Variants in CACNA2D3 observed in about 807,000 individuals in gnomAD.
The protein encoded by CACNA2D3 is voltage-dependent calcium channel subunit alpha-2/delta-3.
In CACNA2D3, 60 loss-of-function variants were observed where a neutral mutation model predicts 160.6. The observed-to-expected ratio is 0.37, with a 90% confidence interval of 0.30 to 0.46. The LOEUF (loss-of-function observed/expected upper bound fraction) is 0.46. Ranked by LOEUF, CACNA2D3 falls within the 20% of genes least tolerant of loss-of-function variation. The pLI, the probability that CACNA2D3 is intolerant of heterozygous loss-of-function variation, is 1.00. For synonymous variants in CACNA2D3, 558 were observed against 492.9 expected (o/e 1.13, Z -1.75); for missense variants, 1,205 against 1,365.0 (o/e 0.88, Z 1.85).
At chr3:54,843,188 C>T (rs1698859331) in intron 16 of CACNA2D3, among the ~76,000 whole-genome samples, 1 of 152,096 alleles carries the variant, frequency 6.6e-6, no homozygotes, top group South Asian at 2.1e-4. Flanking sequence ...TCTCGAACTC[C>T]TGACCTCAGG....
Position 54,309,504 on chromosome 3 carries a change from T to G in CACNA2D3, c.205-10938T>G, listed in dbSNP as rs181785434. On this transcript the variant is annotated intron_variant, in intron 2 of 37. Coordinates refer to ENST00000474759, the MANE Select transcript of CACNA2D3 (RefSeq NM_018398.3). Reference sequence around the variant, plus strand: ...CATCTTTTAATTCAGAACCTGACAATCTGGAAGTGGTGGAAATCTGTCAGA... The same window carrying G: ...CATCTTTTAATTCAGAACCTGACAAGCTGGAAGTGGTGGAAATCTGTCAGA... Among the ~76,000 whole-genome samples, 14 of 152,082 alleles carry G rather than the reference T, an allele frequency of 9.2e-5. No individual in the cohort carries two copies. The East Asian group carries it at 2.5e-3, about 27-fold the overall frequency.
At chr3:55,032,320 T>G (rs528233781) in intron 35 of CACNA2D3, among the ~76,000 whole-genome samples, 7 of 152,214 alleles carry the variant, frequency 4.6e-5, no homozygotes, top group Admixed American at 6.5e-5. Flanking sequence ...TGAGTTCATC[T>G]CAAAATCAGG....
At chr3:54,368,223 A>C (rs990763107) in intron 3 of CACNA2D3, among the ~76,000 whole-genome samples, 7 of 152,168 alleles carry the variant, frequency 4.6e-5, no homozygotes, top group African/African-American at 1.7e-4. Flanking sequence ...TAATCTCAGC[A>C]CTTTGGAAGG....
chr3:54,955,141 A>G (rs755047978), intron 27 of CACNA2D3, among the ~76,000 whole-genome samples: 1 of 152,216 alleles, frequency 6.6e-6, no homozygotes, highest in Non-Finnish European at 1.5e-5. Context: ...TGATTATCCA[A>G]TAACCCAGTG....
intron 35 of CACNA2D3, among the ~76,000 whole-genome samples, chr3:55,058,893 TAGA>T (rs1704431510): frequency 6.6e-6 from 1 of 152,106 alleles, no homozygotes; most frequent in African/African-American, 2.4e-5. Context: ...TCAGGATAAG[TAGA>T]AGGATTTAAA....
At chr3:54,805,835 A>G (rs1314009997) in intron 13 of CACNA2D3, among the ~76,000 whole-genome samples, 1 of 152,182 alleles carries the variant, frequency 6.6e-6, no homozygotes, top group Non-Finnish European at 1.5e-5. Flanking sequence ...CCAGCAGCAC[A>G]TCAAAAAGCT....
chr3:54,387,805 T>C (rs1699214928), intron 4 of CACNA2D3, among the ~76,000 whole-genome samples: 1 of 152,246 alleles, frequency 6.6e-6, no homozygotes, highest in Non-Finnish European at 1.5e-5. Context: ...GTTTGAGCTT[T>C]GCTAGACATA....
At chr3:54,370,532 A>G (rs2107548500) in intron 3 of CACNA2D3, among the ~76,000 whole-genome samples, 1 of 152,306 alleles carries the variant, frequency 6.6e-6, no homozygotes, top group Admixed American at 6.5e-5. Context: ...TGGTGAGCGG[A>G]TGAGAACTTT....
At chr3:54,887,856 A>G (rs1490990710) in intron 23 of CACNA2D3, 103 bp from the exon 24 acceptor site, 9 of 837,072 alleles carry the variant, frequency 1.1e-5, no homozygotes, top group Non-Finnish European at 1.8e-5. Flanking sequence ...AACATGCCGC[A>G]TGAGAAAGTA....
chr3:54,981,572 T>C (rs1260666082), intron 29 of CACNA2D3, among the ~76,000 whole-genome samples: 2 of 152,102 alleles, frequency 1.3e-5, no homozygotes. Context: ...AAAAAGAGGC[T>C]AGAAGTCTGA....
chr3:54,463,867 T>C (rs1320983686), intron 4 of CACNA2D3, among the ~76,000 whole-genome samples: 1 of 152,166 alleles, frequency 6.6e-6, no homozygotes, highest in Non-Finnish European at 1.5e-5. Context: ...GAGTTTCCAG[T>C]TTTTCTGCTC....
chr3:54,216,134 C>CGTGTGTGT (rs35251785), intron 2 of CACNA2D3, among the ~76,000 whole-genome samples: 1 of 149,490 alleles, frequency 6.7e-6, no homozygotes, highest in Non-Finnish European at 1.5e-5. Context: ...TTTAGTTGTA[C>CGTGTGTGT]GTGTGTGTGT....
At chr3:54,209,991 A>G (rs1365026808) in intron 2 of CACNA2D3, among the ~76,000 whole-genome samples, 34 of 152,210 alleles carry the variant, frequency 2.2e-4, no homozygotes, top group Admixed American at 2.2e-3. Context: ...TAGGGCATCT[A>G]CTATATACTG....
At chr3:54,839,988 T>G (rs1057259462) in intron 16 of CACNA2D3, among the ~76,000 whole-genome samples, 3 of 152,194 alleles carry the variant, frequency 2.0e-5, no homozygotes, top group African/African-American at 7.2e-5. Flanking sequence ...GAGGGAAGAC[T>G]TTGAGGCCCC....
chr3:54,360,234 C>T (rs1698718872), intron 3 of CACNA2D3, among the ~76,000 whole-genome samples: 2 of 152,064 alleles, frequency 1.3e-5, no homozygotes, highest in African/African-American at 4.8e-5. Flanking sequence ...ATTTGCTGAC[C>T]CCTGCTCCAG....
chr3:54,543,218 T>C (rs1238210286), intron 5 of CACNA2D3, among the ~76,000 whole-genome samples: 1 of 152,208 alleles, frequency 6.6e-6, no homozygotes, highest in Admixed American at 6.5e-5. Flanking sequence ...TGCACATGGC[T>C]TGGGAAATTG....
intron 2 of CACNA2D3, among the ~76,000 whole-genome samples, chr3:54,287,840 G>T (rs1299263208): frequency 2.7e-5 from 4 of 149,988 alleles, no homozygotes; most frequent in Non-Finnish European, 4.4e-5. Flanking sequence ...GGTACAGAAC[G>T]AAATGAAGGC....
At chr3:54,332,771 C>G (rs1410298008) in intron 3 of CACNA2D3, among the ~76,000 whole-genome samples, 1 of 152,200 alleles carries the variant, frequency 6.6e-6, no homozygotes, top group Non-Finnish European at 1.5e-5. Flanking sequence ...GGGAAGCATG[C>G]TCACCTCACC....
chr3:54,338,511 G>A (rs1193524706), intron 3 of CACNA2D3, among the ~76,000 whole-genome samples: 1 of 143,116 alleles, frequency 7.0e-6, no homozygotes, highest in African/African-American at 2.6e-5. Context: ...GTGTGTGTGT[G>A]TATCTATTTG....
Sources: gnomAD v4.1 joint callset for allele counts (sites outside exome capture counted in the v4.1 genomes callset) on GRCh38, gnomAD v4.1.1 for gene constraint, MANE v1.5 for transcripts, NCBI Gene and HGNC (gene_info 2026-07-23, HGNC 2026-07-21) for gene names.